Variants in ORC4 observed in about 807,000 individuals in gnomAD.
ORC4 encodes the protein origin recognition complex, subunit 4 homolog.
A neutral mutation model predicts 63.9 loss-of-function variants in ORC4; 55 were observed. The ratio of observed to expected loss-of-function variants is 0.86; its 90% CI spans 0.69 to 1.08. ORC4 has a LOEUF of 1.08. Among genes scored for constraint, ORC4 ranks in the 50% least tolerant of loss-of-function variants. The pLI, the probability that ORC4 is intolerant of heterozygous loss-of-function variation, is 0.00. For synonymous variants in ORC4, 150 were observed against 168.5 expected, an observed-to-expected ratio of 0.89 and a Z score of 0.85; for missense variants, 511 against 504.4, an observed-to-expected ratio of 1.01 and a Z score of -0.13.
At chr2:147,994,679 C>CA (rs1226681271) in intron 1 of ORC4, among the ~76,000 whole-genome samples, 3 of 152,116 alleles carry the variant, frequency 2.0e-5, no homozygotes, top group Non-Finnish European at 2.9e-5. Flanking sequence ...GTTTCACACA[C>CA]AAAAAATCTA....
intron 4 of ORC4, among the ~76,000 whole-genome samples, chr2:147,967,640 A>G (rs958436686): frequency 4.6e-5 from 7 of 152,100 alleles, no homozygotes; most frequent in African/African-American, 1.7e-4. Context: ...CTGAAGAAAG[A>G]AATTGAGGAG....
At chr2:147,975,212 T>G (rs1337988360) in intron 2 of ORC4, among the ~76,000 whole-genome samples, 1 of 152,154 alleles carries the variant, frequency 6.6e-6, no homozygotes, top group Non-Finnish European at 1.5e-5. Flanking sequence ...TACTAATCTA[T>G]AAGCTTCTTA....
chr2:147,937,059 C>T (rs964299467), intron 13 of ORC4: 1 of 151,440 alleles, frequency 6.6e-6, no homozygotes, highest in African/African-American at 2.4e-5. Flanking sequence ...CTTGGGTAAC[C>T]TTTCCATTTT....
chr2:147,957,430 T>C (rs1250856051), intron 6 of ORC4, among the ~76,000 whole-genome samples: 1 of 151,952 alleles, frequency 6.6e-6, no homozygotes, highest in Non-Finnish European at 1.5e-5. Flanking sequence ...GAAGTTGGAA[T>C]GTGTATAATC....
intron 7 of ORC4, among the ~76,000 whole-genome samples, chr2:147,952,970 G>A (rs1257508572): frequency 6.6e-6 from 1 of 151,768 alleles, no homozygotes; most frequent in Non-Finnish European, 1.5e-5. Context: ...AGGTTGTGGT[G>A]AGCCAAGATC....
chr2:148,016,777 AG>A (rs1361028865), intron 1 of ORC4, among the ~76,000 whole-genome samples: 1 of 152,226 alleles, frequency 6.6e-6, no homozygotes, highest in Non-Finnish European at 1.5e-5. Context: ...GATATGTTAG[AG>A]CCTCGTTATA....
intron 13 of ORC4, chr2:147,936,343 C>T (rs1688050017): frequency 6.6e-6 from 1 of 152,556 alleles, no homozygotes; most frequent in African/African-American, 2.4e-5. Flanking sequence ...TTCTTGTCTA[C>T]TTCCTCTTAT....
chr2:147,971,462 A>G (rs1690204924), intron 4 of ORC4, among the ~76,000 whole-genome samples: 1 of 151,882 alleles, frequency 6.6e-6, no homozygotes, highest in African/African-American at 2.4e-5. Context: ...TGGGCATAAG[A>G]CACCTCACCA....
Position 147,931,778 on chromosome 2 carries a change from A to C in ORC4, c.*3732T>G, listed in dbSNP as rs1398448622. On this transcript the variant is annotated 3_prime_UTR_variant, in exon 14 of 14. Coordinates refer to ENST00000392857, the MANE Select transcript of ORC4 (RefSeq NM_181741.4). ...ACAACCCTTCATGCTAAAAACTCTC[A>C]ATAAATTAGGGATTGATGGGGTGTA... 6.6e-6 allele frequency: 1 copy of C among 152,062 alleles called. No homozygotes were observed. The highest frequency in any genetic ancestry group is 6.6e-5 in the Admixed American group (1 of 15,238). 9.4% of individuals were successfully genotyped at this position (152,062 alleles called of 1,614,324 possible).
At chr2:147,996,951 T>C (rs1188453395) in intron 1 of ORC4, among the ~76,000 whole-genome samples, 1 of 152,256 alleles carries the variant, frequency 6.6e-6, no homozygotes, top group Non-Finnish European at 1.5e-5. Context: ...GACCTGTACC[T>C]TCCTGTTTAC....
At chr2:147,939,092 T>G in intron 11 of ORC4, 48 bp downstream of exon 11, 2 of 1,099,760 alleles carry the variant, frequency 1.8e-6, no homozygotes, top group Middle Eastern at 3.9e-4. Context: ...ATTATCTAAA[T>G]TCAAAGTTTT....
chr2:147,948,196 A>G lies in ORC4; in HGVS notation c.617T>C (p.Val206Ala). ...LDILELLEKR[V>A]KSRFSHRQIH... ...CTGCCGGTGAGAAAATCTTGACTTC[A>G]CTCTTTTTTCTAAGAGTTCCAAAAT... The change falls in exon 9 of 14, where the codon GTG (valine) becomes GCG (alanine). Residue 206 changes from valine to alanine, a missense_variant. Coordinates refer to ENST00000392857, the MANE Select transcript of ORC4 (RefSeq NM_181741.4). The G allele has an allele frequency of 6.2e-7, 1 of 1,608,940 alleles. No homozygotes were observed. Among genetic ancestry groups the G allele is most frequent in the South Asian group, 1.1e-5 (1 of 90,522 alleles).
chr2:147,941,261 C>T (rs887526649), intron 10 of ORC4, among the ~76,000 whole-genome samples: 1 of 150,990 alleles, frequency 6.6e-6, no homozygotes, highest in Admixed American at 6.6e-5. Flanking sequence ...TCTTTCATTT[C>T]TTTTTTTTTC....
Position 147,993,217 on chromosome 2 carries a change from A to G in ORC4, c.-17-17242T>C, listed in dbSNP as rs187048319. On this transcript the variant is annotated intron_variant, in intron 1 of 13. Transcript: ENST00000392857. The stretch of plus-strand genomic sequence containing the variant: ...TAACACCAAGATCAAATAAAATCAT[A>G]TGCCCTTTCTCCTATTAATCTGCCT... Among the ~76,000 whole-genome samples the G allele has an allele frequency of 3.9e-3, 587 of 152,282 alleles. 1 individual carries two copies. Among genetic ancestry groups the G allele is most frequent in the Non-Finnish European group, 7.5e-3 (507 of 68,026 alleles).
chr2:147,964,014 C>T (rs1257256985), intron 4 of ORC4, among the ~76,000 whole-genome samples: 1 of 152,000 alleles, frequency 6.6e-6, no homozygotes, highest in Non-Finnish European at 1.5e-5. Flanking sequence ...TACTTTTCTA[C>T]CTGAGGCGTA....
At chr2:147,971,783 C>T (rs1044768770) in intron 4 of ORC4, among the ~76,000 whole-genome samples, 1 of 151,668 alleles carries the variant, frequency 6.6e-6, no homozygotes, top group African/African-American at 2.4e-5. Flanking sequence ...AGATTTGAAA[C>T]TAAAAAATTA....
At chr2:147,991,682 G>A (rs905924971) in intron 1 of ORC4, among the ~76,000 whole-genome samples, 3 of 151,954 alleles carry the variant, frequency 2.0e-5, no homozygotes, top group Non-Finnish European at 4.4e-5. Context: ...TACAAAATTA[G>A]CCAGGTGTCG....
At chr2:147,963,988 T>C (rs1689752241) in intron 4 of ORC4, among the ~76,000 whole-genome samples, 1 of 152,056 alleles carries the variant, frequency 6.6e-6, no homozygotes, top group African/African-American at 2.4e-5. Flanking sequence ...TTCTGTAAGA[T>C]TGGAAAAGAC....
At chr2:147,996,384 T>G (rs1691976057) in intron 1 of ORC4, among the ~76,000 whole-genome samples, 1 of 152,126 alleles carries the variant, frequency 6.6e-6, no homozygotes, top group Non-Finnish European at 1.5e-5. Context: ...TGGCCATGTG[T>G]TTTTAGATAC....
Sources: gnomAD v4.1 joint callset for allele counts (sites outside exome capture counted in the v4.1 genomes callset) on GRCh38, gnomAD v4.1.1 for gene constraint, MANE v1.5 for transcripts, NCBI Gene and HGNC (gene_info 2026-07-23, HGNC 2026-07-21) for gene names.